Variants in PIGK observed in about 807,000 individuals in gnomAD.
The protein encoded by PIGK is GPI-anchor transamidase.
Under a neutral mutation model 50.6 loss-of-function variants are expected in PIGK, and 42 were observed. That is an observed-to-expected ratio of 0.83 (90% CI 0.65 to 1.07). PIGK has a LOEUF of 1.07. PIGK is among the 50% of genes least tolerant of loss of function. PIGK has a pLI of 0.00. For synonymous variants in PIGK, 151 were observed against 156.0 expected, an observed-to-expected ratio of 0.97 and a Z score of 0.24; for missense variants, 448 against 488.7, an observed-to-expected ratio of 0.92 and a Z score of 0.78.
At chr1:77,201,887 A>G (rs1272831138) in intron 3 of PIGK, among the ~76,000 whole-genome samples, 1 of 151,872 alleles carries the variant, frequency 6.6e-6, no homozygotes, top group Non-Finnish European at 1.5e-5. Flanking sequence ...TGAGACATCA[A>G]CTCTACAAAA....
chr1:77,150,860 C>A (rs184286835), intron 9 of PIGK, among the ~76,000 whole-genome samples: 21 of 152,114 alleles, frequency 1.4e-4, no homozygotes, highest in Non-Finnish European at 2.9e-4. Flanking sequence ...AGTAAAAAAT[C>A]TCCCATCAAA....
chr1:77,141,463 G>A (rs1654648596), intron 9 of PIGK, among the ~76,000 whole-genome samples: 1 of 152,080 alleles, frequency 6.6e-6, no homozygotes, highest in African/African-American at 2.4e-5. Context: ...TAAGCTGCAC[G>A]CTTCCCTTAG....
intron 9 of PIGK, among the ~76,000 whole-genome samples, chr1:77,145,412 A>T (rs1205589648): frequency 6.6e-6 from 1 of 152,080 alleles, no homozygotes; most frequent in Non-Finnish European, 1.5e-5. Context: ...ATATAAAATC[A>T]ATTGTAATAC....
At chr1:77,169,426 T>C (rs1557812645) in intron 3 of PIGK, 31 bp from the exon 4 acceptor site, 1 of 1,533,642 alleles carries the variant, frequency 6.5e-7, no homozygotes, top group Non-Finnish European at 8.9e-7. Context: ...AAATATATAA[T>C]TTAGATAAAA....
intron 9 of PIGK, 24 bp from the exon 10 acceptor site, chr1:77,122,383 C>G: frequency 7.7e-7 from 1 of 1,304,158 alleles, no homozygotes; most frequent in Non-Finnish European, 1.1e-6. Flanking sequence ...TTTAAAAACA[C>G]AGAGCTAAGG....
chr1:77,192,058 C>T (rs1032025803), intron 3 of PIGK, among the ~76,000 whole-genome samples: 3 of 152,002 alleles, frequency 2.0e-5, no homozygotes, highest in African/African-American at 7.3e-5. Context: ...CTGCTTGTGC[C>T]CAGGAGGTCC....
At chr1:77,142,426 C>T (rs771299979) in intron 9 of PIGK, among the ~76,000 whole-genome samples, 12 of 152,072 alleles carry the variant, frequency 7.9e-5, no homozygotes, top group Non-Finnish European at 1.5e-4. Context: ...CAAAATAACT[C>T]AGAAGGTAGA....
At chr1:77,208,675 GAA>G (rs1374557236) in intron 2 of PIGK, among the ~76,000 whole-genome samples, 10 of 152,040 alleles carry the variant, frequency 6.6e-5, no homozygotes, top group Non-Finnish European at 1.3e-4. Context: ...AGTAACTTCA[GAA>G]AAATTTCTTG....
At chr1:77,174,225 T>G (rs1098126) in intron 3 of PIGK, among the ~76,000 whole-genome samples, 151,311 of 152,302 alleles carry the variant, frequency 0.99, 75,171 homozygotes, top group Middle Eastern at 1. Flanking sequence ...TTGGCTGTTT[T>G]GCCTGGCTAA....
At chr1:77,202,719 G>A (rs61782943) in intron 3 of PIGK, among the ~76,000 whole-genome samples, 6 of 152,058 alleles carry the variant, frequency 3.9e-5, no homozygotes, top group Non-Finnish European at 7.4e-5. Context: ...AGTGTTAGAT[G>A]GACTCAGAAA....
chr1:77,154,360 C>G (rs574659784), intron 9 of PIGK, 89 bp downstream of exon 9: 2 of 916,628 alleles, frequency 2.2e-6, no homozygotes, highest in Non-Finnish European at 3.4e-6. Context: ...TTTACAAACA[C>G]CAACTTTTGC....
At chr1:77,178,198 T>C (rs1655530295) in intron 3 of PIGK, among the ~76,000 whole-genome samples, 1 of 152,200 alleles carries the variant, frequency 6.6e-6, no homozygotes, top group Non-Finnish European at 1.5e-5. Flanking sequence ...CGATAAACTT[T>C]AATGGTATAT....
At chr1:77,182,248 G>C (rs1445799180) in intron 3 of PIGK, among the ~76,000 whole-genome samples, 1 of 152,166 alleles carries the variant, frequency 6.6e-6, no homozygotes, top group Non-Finnish European at 1.5e-5. Flanking sequence ...GGTTACAACT[G>C]AGAGTCAACT....
rs1653239145 is a variant in PIGK at position 77,089,020 on chromosome 1, T to C, written c.*3354A>G. ...GTAAATAAATTTTTAATAACCAGTTTCTTGGTTACAACTTCATCTATATAA... is the reference window on the plus strand; with the variant it reads ...GTAAATAAATTTTTAATAACCAGTTCCTTGGTTACAACTTCATCTATATAA... On this transcript the variant is annotated 3_prime_UTR_variant, in exon 11 of 11. Transcript: ENST00000370812. 1 of 152,170 alleles carries C rather than the reference T, an allele frequency of 6.6e-6. No individual in the cohort carries two copies. The highest frequency in any genetic ancestry group is 2.4e-5 in the African/African-American group (1 of 41,438). 9.4% of individuals were successfully genotyped at this position (152,170 alleles called of 1,614,324 possible).
At chr1:77,182,518 A>ATCTG (rs746417156) in intron 3 of PIGK, among the ~76,000 whole-genome samples, 33 of 95,468 alleles carry the variant, frequency 3.5e-4, no homozygotes, top group Non-Finnish European at 6.6e-4. Flanking sequence ...CTATCTATCT[A>ATCTG]TCTATCTGTA....
At chr1:77,182,829 C>T (rs765348110) in intron 3 of PIGK, among the ~76,000 whole-genome samples, 1 of 152,198 alleles carries the variant, frequency 6.6e-6, no homozygotes, top group Non-Finnish European at 1.5e-5. Flanking sequence ...ATTTGACACA[C>T]CTGATTCCCT....
intron 3 of PIGK, among the ~76,000 whole-genome samples, chr1:77,202,661 G>A (rs551467559): frequency 3.2e-4 from 48 of 152,194 alleles, no homozygotes; most frequent in African/African-American, 1.1e-3. Context: ...TTTTAAATTA[G>A]GAAGATTAAT....
intron 1 of PIGK, among the ~76,000 whole-genome samples, chr1:77,213,276 C>G (rs1195944038): frequency 6.6e-6 from 1 of 152,102 alleles, no homozygotes; most frequent in Non-Finnish European, 1.5e-5. Flanking sequence ...CTCGTCAGCA[C>G]GTGGAACATT....
chr1:77,104,890 T>G (rs1490190961), intron 10 of PIGK, among the ~76,000 whole-genome samples: 1 of 152,186 alleles, frequency 6.6e-6, no homozygotes, highest in Non-Finnish European at 1.5e-5. Flanking sequence ...GTTCTCTTAG[T>G]TCTGCTGTCT....
Sources: gnomAD v4.1 joint callset for allele counts (sites outside exome capture counted in the v4.1 genomes callset) on GRCh38, gnomAD v4.1.1 for gene constraint, MANE v1.5 for transcripts, NCBI Gene and HGNC (gene_info 2026-07-23, HGNC 2026-07-21) for gene names.